The following NIM1K variants were observed in gnomAD, a reference collection of about 807,000 sequenced individuals.
NIM1K encodes the protein NIM1 serine/threonine protein kinase.
A neutral mutation model predicts 37.1 loss-of-function variants in NIM1K; 35 were observed. The ratio of observed to expected loss-of-function variants is 0.94; its 90% CI spans 0.72 to 1.25. NIM1K has a LOEUF of 1.25. NIM1K is among the 50% of genes most tolerant of loss of function. NIM1K has a pLI of 0.00. For missense variants in NIM1K, 564 were observed against 548.0 expected, an observed-to-expected ratio of 1.03 and a Z score of -0.29; for synonymous variants, 234 against 206.6, an observed-to-expected ratio of 1.13 and a Z score of -1.14.
intron 3 of NIM1K, 140 bp downstream of exon 3, chr5:43,277,465 GTCT>G: frequency 1.0e-5 from 9 of 880,106 alleles, no homozygotes; most frequent in Non-Finnish European, 1.4e-5. Context: ...AGAGTCAGAA[GTCT>G]GGCTGGGATC....
At chr5:43,260,665 G>T (rs921343451) in intron 2 of NIM1K, among the ~76,000 whole-genome samples, 24 of 151,896 alleles carry the variant, frequency 1.6e-4, no homozygotes, top group Admixed American at 1.1e-3. Flanking sequence ...CAATGTGCAG[G>T]TTTGTTACAT....
At chr5:43,219,111 C>A (rs532197699) in intron 1 of NIM1K, among the ~76,000 whole-genome samples, 40 of 152,210 alleles carry the variant, frequency 2.6e-4, no homozygotes, top group African/African-American at 9.6e-4. Flanking sequence ...TGTTCGCTTC[C>A]CCTTCTGCCA....
chr5:43,260,444 G>A (rs767808291), intron 2 of NIM1K, among the ~76,000 whole-genome samples: 3 of 152,126 alleles, frequency 2.0e-5, no homozygotes, highest in Non-Finnish European at 4.4e-5. Flanking sequence ...ATAAAGCAAT[G>A]CTGGGTTTTG....
chr5:43,213,236 TCC>T (rs1752241367), intron 1 of NIM1K, among the ~76,000 whole-genome samples: 1 of 148,694 alleles, frequency 6.7e-6, no homozygotes, highest in Admixed American at 6.7e-5. Flanking sequence ...CTTCTTTTCT[TCC>T]TTTCTTTCTT....
At position 43,280,117 on chromosome 5, in the gene NIM1K, T is replaced by C. The variant is rs1475671609; in HGVS notation, c.699T>C (p.Ser233=). ...AAATGCTGAACACTTTCTGTGGGTCTCCTCCCTACGCTGCGCCTGAACTCT... is the reference window on the plus strand; with the variant it reads ...AAATGCTGAACACTTTCTGTGGGTCCCCTCCCTACGCTGCGCCTGAACTCT... ...KGEMLNTFCG[S]PPYAAPELFR... Residue 233 remains serine (S), a synonymous_variant, in exon 4 of 4, where the codon TCT becomes TCC. Transcript: ENST00000326035. 6.2e-7 allele frequency: 1 copy of C among 1,614,058 alleles called. No homozygotes were observed. The highest frequency in any genetic ancestry group is 8.5e-7 in the Non-Finnish European group (1 of 1,180,040).
At chr5:43,276,463 T>C (rs1019688268) in intron 2 of NIM1K, among the ~76,000 whole-genome samples, 1 of 152,256 alleles carries the variant, frequency 6.6e-6, no homozygotes, top group East Asian at 1.9e-4. Flanking sequence ...TCATGAGACA[T>C]CAGCCTCCAT....
intron 1 of NIM1K, among the ~76,000 whole-genome samples, chr5:43,210,881 G>A (rs1267365376): frequency 1.3e-5 from 2 of 152,144 alleles, no homozygotes; most frequent in East Asian, 3.9e-4. Context: ...GAAAGAATGG[G>A]GACTTGGAGC....
At chr5:43,221,166 T>G (rs1393622228) in intron 1 of NIM1K, among the ~76,000 whole-genome samples, 2 of 152,104 alleles carry the variant, frequency 1.3e-5, no homozygotes, top group African/African-American at 4.8e-5. Flanking sequence ...AAGAGTGCCT[T>G]TCTGATTTGT....
chr5:43,262,971 G>A (rs182146569), intron 2 of NIM1K, among the ~76,000 whole-genome samples: 117 of 152,230 alleles, frequency 7.7e-4, no homozygotes, highest in Non-Finnish European at 1.5e-3. Flanking sequence ...CAACTTGATC[G>A]TGGTGGATAA....
chr5:43,227,046 AGAGTTGCTGGGAG>A (rs1752467798), intron 1 of NIM1K, among the ~76,000 whole-genome samples: 1 of 152,184 alleles, frequency 6.6e-6, no homozygotes, highest in Admixed American at 6.6e-5. Context: ...CCTAGCTGGA[AGAGTTGCTGGGAG>A]GATTTTAAAA....
chr5:43,240,878 C>A (rs1411677551), intron 1 of NIM1K, among the ~76,000 whole-genome samples: 1 of 151,928 alleles, frequency 6.6e-6, no homozygotes, highest in Non-Finnish European at 1.5e-5. Flanking sequence ...ACACTCTTCC[C>A]ACCTCTTAAC....
At chr5:43,274,338 T>C (rs946336767) in intron 2 of NIM1K, among the ~76,000 whole-genome samples, 1 of 152,168 alleles carries the variant, frequency 6.6e-6, no homozygotes, top group African/African-American at 2.4e-5. Context: ...TGGTGTATGA[T>C]GGCCACAGGG....
intron 2 of NIM1K, among the ~76,000 whole-genome samples, chr5:43,266,650 C>T (rs953804752): frequency 7.9e-5 from 12 of 152,316 alleles, no homozygotes; most frequent in South Asian, 2.1e-4. Flanking sequence ...GTGCGATGAA[C>T]GCGGTACCTC....
Position 43,245,287 on chromosome 5 carries a change from A to G in NIM1K, c.-489A>G, listed in dbSNP as rs962801397. 1 of 152,630 alleles carries G rather than the reference A, an allele frequency of 6.6e-6. No individual in the cohort carries two copies. Among genetic ancestry groups the G allele is most frequent in the African/African-American group, 2.4e-5 (1 of 41,468 alleles). The allele number at this position is 152,630 out of a possible 1,614,324, so 9.5% of individuals were successfully genotyped here. On this transcript the variant is annotated 5_prime_UTR_variant, in exon 2 of 4. The change abolishes an upstream ATG in the 5' untranslated region. Coordinates refer to ENST00000326035, the MANE Select transcript of NIM1K (RefSeq NM_153361.4). ...AGCTTGACAGAAAGAGAAGCATGAAATGAAGGTCAGAGATGAGATCCCGCA... is the reference window on the plus strand; with the variant it reads ...AGCTTGACAGAAAGAGAAGCATGAAGTGAAGGTCAGAGATGAGATCCCGCA...
At chr5:43,200,056 C>T (rs1294677814) in intron 1 of NIM1K, among the ~76,000 whole-genome samples, 1 of 151,972 alleles carries the variant, frequency 6.6e-6, no homozygotes, top group Non-Finnish European at 1.5e-5. Flanking sequence ...ATTTTGTATT[C>T]TTAGCAGAGA....
At chr5:43,213,491 G>A (rs1274377189) in intron 1 of NIM1K, among the ~76,000 whole-genome samples, 1 of 150,202 alleles carries the variant, frequency 6.7e-6, no homozygotes, top group Non-Finnish European at 1.5e-5. Flanking sequence ...CACCACATCT[G>A]GCTATTTTTT....
rs1403037187 is a variant in NIM1K, at chr5:43,280,382, G to T, written c.964G>T (p.Asp322Tyr). The T allele has an allele frequency of 5.0e-6, 8 of 1,614,036 alleles. No homozygotes were observed. Among genetic ancestry groups the T allele is most frequent in the Non-Finnish European group, 5.9e-6 (7 of 1,180,026 alleles). Residue 322 changes from aspartate (D) to tyrosine (Y), a missense_variant, in exon 4 of 4, where the codon GAT (aspartate) becomes TAT (tyrosine). Coordinates refer to ENST00000326035, the MANE Select transcript of NIM1K (RefSeq NM_153361.4). ...ERYGIDCIMN[D>Y]EWMQGVPYPT... ...GTACGGAATCGACTGCATCATGAAT[G>T]ATGAATGGATGCAAGGGGTGCCATA...
At chr5:43,252,615 C>T (rs903715028) in intron 2 of NIM1K, among the ~76,000 whole-genome samples, 2 of 151,814 alleles carry the variant, frequency 1.3e-5, no homozygotes, top group Non-Finnish European at 2.9e-5. Context: ...ACCAAGTGCT[C>T]TGGATCTCTA....
chr5:43,210,952 C>T (rs1579957770), intron 1 of NIM1K, among the ~76,000 whole-genome samples: 1 of 152,168 alleles, frequency 6.6e-6, no homozygotes, highest in Admixed American at 6.5e-5. Context: ...AGGCGGATCA[C>T]TTGAGGTCGG....
Sources: allele counts gnomAD v4.1 joint callset (sites outside exome capture counted in the v4.1 genomes callset), GRCh38; gene constraint gnomAD v4.1.1; transcripts MANE v1.5; gene names NCBI Gene and HGNC (gene_info 2026-07-23, HGNC 2026-07-21).